FSTL5: variants seen among roughly 807,000 people sequenced by gnomAD.
FSTL5 encodes the protein follistatin-related protein 5.
FSTL5 carries 62 observed loss-of-function variants against 89.1 expected under a neutral mutation model. That is an observed-to-expected ratio of 0.70 (90% CI 0.57 to 0.86). The LOEUF is 0.86. Ranked by LOEUF, FSTL5 falls within the 40% of genes least tolerant of loss-of-function variation. FSTL5 has a pLI of 0.00. For missense variants in FSTL5, 1,057 were observed against 1,001.6 expected (o/e 1.06, Z -0.75); for synonymous variants, 383 against 346.2 (o/e 1.11, Z -1.18).
chr4:161,878,398 G>A (rs987023427), intron 4 of FSTL5, among the ~76,000 whole-genome samples: 2 of 151,942 alleles, frequency 1.3e-5, no homozygotes, highest in Non-Finnish European at 2.9e-5. Flanking sequence ...ATATTGTTGG[G>A]AATTATTTTT....
chr4:161,759,319 G>A lies in FSTL5; in HGVS notation c.727+92C>T. 3 of 1,177,560 alleles carry A rather than the reference G, an allele frequency of 2.5e-6. No homozygotes were observed. In the South Asian group the frequency reaches 5.1e-5, roughly 20 times the overall value. 72.9% of individuals were successfully genotyped at this position (1,177,560 alleles called of 1,614,324 possible). On this transcript the variant is annotated intron_variant, in intron 6 of 15. Coordinates refer to ENST00000306100, the MANE Select transcript of FSTL5 (RefSeq NM_020116.5). ...ATTATATAATTTTTCTTAAGAAACAGCTTGTACTATGAGAGCAAGCAAATA... is the reference window on the plus strand; with the variant it reads ...ATTATATAATTTTTCTTAAGAAACAACTTGTACTATGAGAGCAAGCAAATA...
intron 15 of FSTL5, among the ~76,000 whole-genome samples, chr4:161,446,591 T>G (rs919036764): frequency 2.0e-5 from 3 of 152,080 alleles, no homozygotes; most frequent in African/African-American, 7.2e-5. Context: ...AACCTCAATG[T>G]ACATTATCTT....
chr4:161,530,218 G>A (rs28403187), intron 10 of FSTL5, among the ~76,000 whole-genome samples: 4,472 of 141,316 alleles, frequency 0.032, 623 homozygotes, highest in African/African-American at 0.1. Flanking sequence ...ATCTATTTTA[G>A]GACCCTTTCT....
chr4:161,814,515 G>A (rs1730266202), intron 4 of FSTL5, among the ~76,000 whole-genome samples: 1 of 151,996 alleles, frequency 6.6e-6, no homozygotes, highest in South Asian at 2.1e-4. Context: ...TTAGCTTCAG[G>A]TTTTATTTCT....
chr4:161,803,418 A>T (rs1729859953), intron 4 of FSTL5, among the ~76,000 whole-genome samples: 1 of 152,008 alleles, frequency 6.6e-6, no homozygotes, highest in Non-Finnish European at 1.5e-5. Flanking sequence ...TTGAAATATT[A>T]AAAATACTCA....
In FSTL5 at chr4:161,849,533, AC is replaced by A. The variant is rs1272758967; in HGVS notation, c.409+70870del. On this transcript the variant is annotated intron_variant, in intron 4 of 15. Coordinates refer to ENST00000306100, the MANE Select transcript of FSTL5 (RefSeq NM_020116.5). The stretch of plus-strand genomic sequence containing the variant: ...TTTCATCATTGCCCTCGACCTACAC[AC>A]ACACACACACACACACACACACACA... Among the ~76,000 whole-genome samples, 6 of 12,026 alleles carry A rather than the reference AC, an allele frequency of 5.0e-4. No individual in the cohort carries two copies. The Admixed American group carries it at 5.1e-3, about 10-fold the overall frequency. 7.9% of individuals were successfully genotyped at this position (12,026 alleles called of 152,430 possible).
At chr4:161,798,859 T>C (rs769514591) in intron 4 of FSTL5, among the ~76,000 whole-genome samples, 1 of 151,652 alleles carries the variant, frequency 6.6e-6, no homozygotes, top group Non-Finnish European at 1.5e-5. Context: ...CCCTAAAACA[T>C]TAGAATTTCT....
In FSTL5 at chr4:161,526,342, T is replaced by C. The variant is rs532657839; in HGVS notation, c.1312+11824A>G. On this transcript the variant is annotated intron_variant, in intron 10 of 15. Transcript: ENST00000306100. ...CATTAATAATCTGATTCTATTAAAA[T>C]TTCACTATTGTAGAATGTTTCCAAA... Among the ~76,000 whole-genome samples the C allele has an allele frequency of 1.1e-4, 17 of 152,268 alleles. No homozygotes were observed. In the East Asian group the frequency reaches 3.3e-3, roughly 29 times the overall value.
intron 6 of FSTL5, among the ~76,000 whole-genome samples, chr4:161,740,035 T>TTTA (rs1424174059): frequency 6.6e-6 from 1 of 151,446 alleles, no homozygotes; most frequent in Non-Finnish European, 1.5e-5. Context: ...TATTTATTTA[T>TTTA]TGAGACAGAG....
At chr4:161,804,535 G>GTT (rs4065061) in intron 4 of FSTL5, among the ~76,000 whole-genome samples, 112,330 of 151,598 alleles carry the variant, frequency 0.74, 41,653 homozygotes, top group Admixed American at 0.76. Flanking sequence ...TACAACCACT[G>GTT]TTTTTTCAAA....
intron 6 of FSTL5, among the ~76,000 whole-genome samples, chr4:161,709,232 T>C (rs933298432): frequency 2.0e-4 from 31 of 152,138 alleles, no homozygotes; most frequent in African/African-American, 7.2e-4. Context: ...TAAAATCATT[T>C]AATACTTAAC....
At chr4:162,071,074 G>T (rs2111309099) in intron 2 of FSTL5, among the ~76,000 whole-genome samples, 1 of 151,610 alleles carries the variant, frequency 6.6e-6, no homozygotes, top group East Asian at 2.0e-4. Context: ...GAGAAACAAA[G>T]GCTGTATGAA....
chr4:162,063,239 T>A (rs1738779500), intron 2 of FSTL5, among the ~76,000 whole-genome samples: 1 of 151,838 alleles, frequency 6.6e-6, no homozygotes, highest in Non-Finnish European at 1.5e-5. Context: ...TTCTAAACTA[T>A]TTTTGAAGTA....
Position 161,830,621 on chromosome 4 carries a change from T to C in FSTL5, c.410-54547A>G, listed in dbSNP as rs191606265. 1.5e-3 allele frequency among the ~76,000 whole-genome samples: 232 copies of C among 152,144 alleles called. 1 individual carries two copies. Among genetic ancestry groups the C allele is most frequent in the Admixed American group, 0.011 (172 of 15,270 alleles). ...CATAAGTATATACCATAAGTATATA[T>C]TGCAAACTGAACATGCTTTTGTCTG... On this transcript the variant is annotated intron_variant, in intron 4 of 15. Coordinates refer to ENST00000306100, the MANE Select transcript of FSTL5 (RefSeq NM_020116.5).
At chr4:161,634,667 C>T (rs1218378011) in intron 7 of FSTL5, among the ~76,000 whole-genome samples, 2 of 152,170 alleles carry the variant, frequency 1.3e-5, no homozygotes, top group African/African-American at 4.8e-5. Context: ...TATGATTTTA[C>T]ATATATGTGG....
At chr4:161,394,034 A>T (rs1730917119) in intron 15 of FSTL5, among the ~76,000 whole-genome samples, 1 of 152,144 alleles carries the variant, frequency 6.6e-6, no homozygotes, top group African/African-American at 2.4e-5. Flanking sequence ...GAGTGTGAAA[A>T]ACTAAAGTCT....
At chr4:161,666,544 T>C (rs898884851) in intron 6 of FSTL5, among the ~76,000 whole-genome samples, 4 of 152,106 alleles carry the variant, frequency 2.6e-5, no homozygotes, top group African/African-American at 9.7e-5. Context: ...ATATCCCTTG[T>C]AGAAGCTTAG....
chr4:161,912,091 T>C (rs1406547378), intron 4 of FSTL5, among the ~76,000 whole-genome samples: 1 of 152,204 alleles, frequency 6.6e-6, no homozygotes, highest in Non-Finnish European at 1.5e-5. Context: ...CATTTTATCC[T>C]CAATTACATA....
chr4:161,955,316 C>T (rs1734998931), intron 3 of FSTL5, among the ~76,000 whole-genome samples: 1 of 151,514 alleles, frequency 6.6e-6, no homozygotes, highest in South Asian at 2.1e-4. Flanking sequence ...GAGAATAGTA[C>T]TCTTCCATAC....
Sources: allele counts gnomAD v4.1 joint callset (sites outside exome capture counted in the v4.1 genomes callset), GRCh38; gene constraint gnomAD v4.1.1; transcripts MANE v1.5; gene names NCBI Gene and HGNC (gene_info 2026-07-23, HGNC 2026-07-21).